The following ARMC9 variants were observed in gnomAD, a reference collection of about 807,000 sequenced individuals.
ARMC9 encodes lisH domain-containing protein ARMC9.
ARMC9 carries 94 observed loss-of-function variants against 107.0 expected under a neutral mutation model. That is an observed-to-expected ratio of 0.88 (90% CI 0.74 to 1.04). The LOEUF (loss-of-function observed/expected upper bound fraction) is 1.04, where lower values mean the gene tolerates loss of function less well. ARMC9 is among the 50% of genes least tolerant of loss of function. ARMC9 has a pLI of 0.00. For missense variants in ARMC9, 942 were observed against 1,030.1 expected (o/e 0.91, Z 1.17); for synonymous variants, 380 against 396.9 (o/e 0.96, Z 0.51).
intron 20 of ARMC9, among the ~76,000 whole-genome samples, chr2:231,333,674 A>G (rs1157297100): frequency 2.6e-5 from 4 of 152,182 alleles, no homozygotes; most frequent in Non-Finnish European, 1.5e-5. Flanking sequence ...GGCGGTGAGG[A>G]AAACAGAGGA....
In ARMC9 at chr2:231,278,560, A is replaced by G. The variant is rs1349081310; in HGVS notation, c.1551+102A>G. 9 of 978,332 alleles carry G rather than the reference A, an allele frequency of 9.2e-6. No individual in the cohort carries two copies. In the East Asian group the frequency reaches 1.9e-4, roughly 21 times the overall value. The allele number at this position is 978,332 out of a possible 1,614,324, so 60.6% of individuals were successfully genotyped here. On this transcript the variant is annotated intron_variant, in intron 16 of 24. Transcript: ENST00000611582. ...ACAGCTGGCCCAGGATGGTTGCTGT[A>G]TTTGAAAACTGTACATGTTCTCTGT...
chr2:231,322,298 C>T (rs923389277), intron 19 of ARMC9, among the ~76,000 whole-genome samples: 8 of 152,260 alleles, frequency 5.3e-5, no homozygotes, highest in African/African-American at 1.9e-4. Flanking sequence ...GGCCTGGTCA[C>T]CTCAGTCCAC....
rs553583955 is a variant in ARMC9, at chr2:231,310,137, G to A, written c.1773+13884G>A. Among the ~76,000 whole-genome samples the A allele has an allele frequency of 1.1e-4, 16 of 152,332 alleles. No individual in the cohort carries two copies. The South Asian group carries it at 1.7e-3, about 16-fold the overall frequency. Reference sequence around the variant, plus strand: ...TGTATTAAAGTTCAGCTATGGGGCCGGGCGCGGTGGCTCACGCCTGTAATC... The same window carrying A: ...TGTATTAAAGTTCAGCTATGGGGCCAGGCGCGGTGGCTCACGCCTGTAATC... On this transcript the variant is annotated intron_variant, in intron 19 of 24. Coordinates refer to ENST00000611582, the MANE Select transcript of ARMC9 (RefSeq NM_001352754.2).
chr2:231,211,871 T>C (rs1294759040), intron 3 of ARMC9, among the ~76,000 whole-genome samples: 1 of 152,190 alleles, frequency 6.6e-6, no homozygotes, highest in Non-Finnish European at 1.5e-5. Flanking sequence ...TCTATTTTTA[T>C]ATAACTTCAA....
Position 231,370,927 on chromosome 2 carries a change from T to C in ARMC9, c.2435-586T>C, listed in dbSNP as rs1209482888. 8.5e-6 allele frequency: 3 copies of C among 354,306 alleles called. No homozygotes were observed. The East Asian group carries it at 2.9e-4, about 34-fold the overall frequency. The allele number at this position is 354,306 out of a possible 1,614,324, so 21.9% of individuals were successfully genotyped here. On this transcript the variant is annotated intron_variant, in intron 24 of 24. Coordinates refer to ENST00000611582, the MANE Select transcript of ARMC9 (RefSeq NM_001352754.2). ...CCGCCCCCAGCCCGCCCCACCCTAC[T>C]ACCTTCCTGGCCAGGCCCTGGGCGC...
At chr2:231,199,479 G>C (rs1227177804) in intron 1 of ARMC9, among the ~76,000 whole-genome samples, 1 of 152,200 alleles carries the variant, frequency 6.6e-6, no homozygotes, top group African/African-American at 2.4e-5. Context: ...GTTCTTTTCA[G>C]CCGCTTAGTC....
chr2:231,339,803 A>G (rs1428756257), intron 20 of ARMC9, among the ~76,000 whole-genome samples: 1 of 152,212 alleles, frequency 6.6e-6, no homozygotes, highest in African/African-American at 2.4e-5. Flanking sequence ...GTGGTAGCAC[A>G]TGCCTGTAAT....
In ARMC9 at chr2:231,297,093, A is replaced by T. The variant is rs2041425553; in HGVS notation, c.1773+840A>T. Among the ~76,000 whole-genome samples, 4 of 152,202 alleles carry T rather than the reference A, an allele frequency of 2.6e-5. No homozygotes were observed. Among genetic ancestry groups the T allele is most frequent in the Admixed American group, 2.6e-4 (4 of 15,286 alleles). On this transcript the variant is annotated intron_variant, in intron 19 of 24. Coordinates refer to ENST00000611582, the MANE Select transcript of ARMC9 (RefSeq NM_001352754.2). This position sits in a 1 kb window ranked among gnomAD's most constrained non-coding sequence, Gnocchi z 4.2. The stretch of plus-strand genomic sequence containing the variant: ...GTAAAAGCCAGGTTTTTGATCACTG[A>T]TGGCATCAGTTGGGAAAGAGGTATT...
Position 231,296,239 on chromosome 2 carries a change from G to A in ARMC9, c.1759G>A (p.Asp587Asn). 11 of 1,613,368 alleles carry A rather than the reference G, an allele frequency of 6.8e-6. No individual in the cohort carries two copies. The highest frequency in any genetic ancestry group is 9.3e-6 in the Non-Finnish European group (11 of 1,179,584). Reference protein sequence around the residue: ...DGVLESDDDEDEDDEEDHDIM... With the variant: ...DGVLESDDDENEDDEEDHDIM... ...TGTTCTTGAATCTGATGATGATGAA[G>A]ATGAAGATGATGAAGTAAGTTGGAG... The change falls in exon 19 of 25, where the codon GAT becomes AAT. Residue 587 changes from aspartate (D) to asparagine (N), a missense_variant. Coordinates refer to ENST00000611582, the MANE Select transcript of ARMC9 (RefSeq NM_001352754.2).
At chr2:231,229,916 A>G (rs2035046562) in intron 7 of ARMC9, among the ~76,000 whole-genome samples, 1 of 152,204 alleles carries the variant, frequency 6.6e-6, no homozygotes, top group Non-Finnish European at 1.5e-5. Flanking sequence ...TAGAAAAGTT[A>G]AAAAAGAAAG....
chr2:231,232,923 T>G (rs2035370754), intron 7 of ARMC9, among the ~76,000 whole-genome samples: 2 of 152,148 alleles, frequency 1.3e-5, no homozygotes, highest in Non-Finnish European at 2.9e-5. Flanking sequence ...TGATCTCAGC[T>G]CACTGTAACC....
chr2:231,353,905 G>T (rs1390884806), intron 21 of ARMC9, among the ~76,000 whole-genome samples: 3 of 151,824 alleles, frequency 2.0e-5, no homozygotes, highest in African/African-American at 7.3e-5. Context: ...GTCTTTTCAG[G>T]AGAGGGAGGT....
intron 22 of ARMC9, among the ~76,000 whole-genome samples, chr2:231,359,833 G>A (rs2045495810): frequency 6.6e-6 from 1 of 152,194 alleles, no homozygotes; most frequent in African/African-American, 2.4e-5. Context: ...ATTCTCGTTT[G>A]GGTCAAAAGA....
At chr2:231,211,427 G>A (rs537684980) in intron 3 of ARMC9, among the ~76,000 whole-genome samples, 2 of 152,106 alleles carry the variant, frequency 1.3e-5, no homozygotes, top group East Asian at 3.9e-4. Flanking sequence ...AGCTACTTGG[G>A]AGGCTGAGGC....
chr2:231,215,105 C>A, intron 4 of ARMC9, 104 bp downstream of exon 4: 1 of 1,360,974 alleles, frequency 7.3e-7, no homozygotes, highest in Non-Finnish European at 1.0e-6. Context: ...GCTGTGCTGT[C>A]ATAATGCTTA....
At chr2:231,283,672 C>T (rs1422402064) in intron 17 of ARMC9, among the ~76,000 whole-genome samples, 1 of 152,110 alleles carries the variant, frequency 6.6e-6, no homozygotes, top group Non-Finnish European at 1.5e-5. Context: ...TCAAGTGATC[C>T]ACCTGCCTCA....
chr2:231,270,190 G>A (rs1012187865), intron 12 of ARMC9, among the ~76,000 whole-genome samples: 2 of 152,154 alleles, frequency 1.3e-5, no homozygotes, highest in African/African-American at 4.8e-5. Flanking sequence ...GTGGCCCTCT[G>A]TTCCACATTC....
chr2:231,239,536 C>G (rs565891164), intron 8 of ARMC9, among the ~76,000 whole-genome samples: 14 of 152,348 alleles, frequency 9.2e-5, no homozygotes, highest in African/African-American at 3.4e-4. Flanking sequence ...TGTTGGTCTT[C>G]TCGAGTCCAG....
intron 14 of ARMC9, among the ~76,000 whole-genome samples, chr2:231,274,580 T>C (rs769024626): frequency 7.9e-5 from 12 of 152,214 alleles, no homozygotes; most frequent in Admixed American, 6.5e-5. Context: ...TTGGGACATA[T>C]GGTAATTTTT....
Sources: gnomAD v4.1 joint callset for allele counts (sites outside exome capture counted in the v4.1 genomes callset) on GRCh38, gnomAD v4.1.1 for gene constraint, Gnocchi (gnomAD v3.1) non-coding constraint, MANE v1.5 for transcripts, NCBI Gene and HGNC (gene_info 2026-07-23, HGNC 2026-07-21) for gene names.